The following EPRS1 variants were observed in gnomAD, a reference collection of about 807,000 sequenced individuals.
EPRS1 encodes bifunctional glutamate/proline--tRNA ligase.
A neutral mutation model predicts 188.3 loss-of-function variants in EPRS1; 107 were observed. The observed-to-expected ratio is 0.57, with a 90% confidence interval of 0.49 to 0.67. The LOEUF (loss-of-function observed/expected upper bound fraction) is 0.67, where lower values mean the gene tolerates loss of function less well. EPRS1 is among the 30% of genes least tolerant of loss of function. The pLI, the probability that EPRS1 is intolerant of heterozygous loss-of-function variation, is 0.00. For synonymous variants in EPRS1, 596 were observed against 593.1 expected (o/e 1.00, Z -0.07); for missense variants, 1,577 against 1,802.2 (o/e 0.88, Z 2.26).
intron 17 of EPRS1, among the ~76,000 whole-genome samples, chr1:219,998,441 T>TA (rs1366506314): frequency 1.3e-5 from 2 of 152,276 alleles, no homozygotes; most frequent in African/African-American, 4.8e-5. Context: ...TGAGATTCTA[T>TA]ATGTACACTC....
In EPRS1 at chr1:220,011,067, T is replaced by C. The variant is rs371992990; in HGVS notation, c.1495-11A>G. The C allele has an allele frequency of 6.9e-6, 10 of 1,455,550 alleles. No homozygotes were observed. In the African/African-American group the frequency reaches 1.1e-4, roughly 16 times the overall value. The allele number at this position is 1,455,550 out of a possible 1,614,324, so 90.2% of individuals were successfully genotyped here. A position where few individuals can be genotyped will look rare whatever the true frequency, so the allele number is the denominator to read the frequency against. On this transcript the variant is annotated splice_polypyrimidine_tract_variant and intron_variant, in intron 12 of 31. Transcript: ENST00000366923. Reference sequence around the variant, plus strand: ...CACTGGGTCAATAACCTGCAACAAATACATCCTCATGTTAAAACACTGCGA... The same window carrying C: ...CACTGGGTCAATAACCTGCAACAAACACATCCTCATGTTAAAACACTGCGA...
At chr1:220,045,299 C>A (rs1365322632) in intron 1 of EPRS1, among the ~76,000 whole-genome samples, 3 of 152,264 alleles carry the variant, frequency 2.0e-5, no homozygotes, top group Non-Finnish European at 4.4e-5. Flanking sequence ...GAGTTTGAGA[C>A]CTGCCTGGGC....
chr1:219,981,276 C>A, intron 24 of EPRS1, 102 bp downstream of exon 24: 1 of 653,662 alleles, frequency 1.5e-6, no homozygotes, highest in Non-Finnish European at 2.5e-6. Context: ...AAAAACAGTT[C>A]CATACTCCCA....
chr1:220,020,829 TA>T (rs1456205784), intron 9 of EPRS1, among the ~76,000 whole-genome samples: 1 of 2,056 alleles, frequency 4.9e-4, no homozygotes, highest in Non-Finnish European at 8.3e-4. Context: ...TGAATTTATA[TA>T]TATATATATA....
intron 18 of EPRS1, among the ~76,000 whole-genome samples, chr1:219,993,103 C>T (rs754689910): frequency 4.6e-5 from 7 of 151,916 alleles, no homozygotes; most frequent in Admixed American, 1.3e-4. Flanking sequence ...GGCATACTGG[C>T]ATGTGCCTGT....
intron 28 of EPRS1, among the ~76,000 whole-genome samples, chr1:219,976,087 G>A (rs529797373): frequency 2.5e-4 from 38 of 152,058 alleles, no homozygotes; most frequent in Admixed American, 2.1e-3. Flanking sequence ...GATGGAGAAT[G>A]CCAAAAGGAC....
At position 219,983,409 on chromosome 1, in the gene EPRS1, GA is replaced by G; in HGVS notation, c.3091-12del. ...TGACTTTGTGATGACCTTTTTAAAA[GA>G]AAAATAGTCTTTAAAGCTTACATTG... On this transcript the variant is annotated splice_polypyrimidine_tract_variant and intron_variant, in intron 21 of 31. Transcript: ENST00000366923. The G allele has an allele frequency of 1.9e-6, 3 of 1,592,408 alleles. No individual in the cohort carries two copies. Among genetic ancestry groups the G allele is most frequent in the Non-Finnish European group, 1.7e-6 (2 of 1,165,738 alleles).
intron 1 of EPRS1, among the ~76,000 whole-genome samples, chr1:220,043,942 G>A (rs899288255): frequency 2.6e-5 from 4 of 152,086 alleles, no homozygotes; most frequent in Non-Finnish European, 2.9e-5. Context: ...ACAAGGATGG[G>A]GTCTGTGCAT....
At position 220,032,424 on chromosome 1, in the gene EPRS1, C is replaced by T. The variant is rs2102596410; in HGVS notation, c.491G>A (p.Gly164Asp). The change falls in exon 5 of 32, where the codon GGT becomes GAT. Residue 164 changes from glycine to aspartate, a missense_variant. By Grantham distance (94) the Gly-to-Asp change is moderately conservative. Coordinates refer to ENST00000366923, the MANE Select transcript of EPRS1 (RefSeq NM_004446.3). ...GGTTGTTGAAACATCCCACTTGGTA[C>T]CTACTGACTGGAAGGCCTGCTGGGC... ...LEAQQAFQSV[G>D]TKWDVSTTKA... is the part of the protein sequence containing the mutation. 1.9e-6 allele frequency: 3 copies of T among 1,613,372 alleles called. No homozygotes were observed. The highest frequency in any genetic ancestry group is 1.7e-6 in the Non-Finnish European group (2 of 1,179,750).
chr1:219,999,001 T>C (rs1661292228), intron 17 of EPRS1, among the ~76,000 whole-genome samples: 1 of 151,324 alleles, frequency 6.6e-6, no homozygotes, highest in Non-Finnish European at 1.5e-5. Context: ...TAAAGAAGCA[T>C]GCAGGAACAA....
intron 2 of EPRS1, among the ~76,000 whole-genome samples, chr1:220,039,519 G>T (rs2102600312): frequency 9.7e-6 from 1 of 103,380 alleles, no homozygotes; most frequent in South Asian, 3.3e-4. Context: ...ATTTAATGCT[G>T]ATTTTTTTTT....
intron 9 of EPRS1, among the ~76,000 whole-genome samples, chr1:220,020,941 G>A (rs900598301): frequency 3.4e-5 from 5 of 147,764 alleles, no homozygotes; most frequent in South Asian, 2.2e-4. Flanking sequence ...AGAGTGCACC[G>A]GTGCGATCTC....
chr1:219,977,838 A>G (rs1167693103), intron 28 of EPRS1, among the ~76,000 whole-genome samples: 1 of 152,170 alleles, frequency 6.6e-6, no homozygotes, highest in Non-Finnish European at 1.5e-5. Context: ...GAGCTTCCAT[A>G]GTTTGAAAGC....
chr1:220,001,019 C>T (rs1386931429), intron 17 of EPRS1, 119 bp downstream of exon 17: 2 of 701,120 alleles, frequency 2.9e-6, no homozygotes, highest in Non-Finnish European at 5.2e-6. Flanking sequence ...AAGAGCAAGA[C>T]TTAACTGTCT....
chr1:220,033,046 A>G (rs1193127511), intron 4 of EPRS1, among the ~76,000 whole-genome samples: 1 of 152,206 alleles, frequency 6.6e-6, no homozygotes, highest in Admixed American at 6.5e-5. Flanking sequence ...GTTCCAAACT[A>G]GTTGTAGAAG....
intron 28 of EPRS1, among the ~76,000 whole-genome samples, chr1:219,975,501 A>G (rs1277142280): frequency 1.3e-5 from 2 of 152,092 alleles, no homozygotes. Flanking sequence ...CAATGGTGCA[A>G]TCTGGGCTCA....
chr1:220,018,473 G>C lies in EPRS1; in HGVS notation c.1470C>G (p.Asp490Glu). Residue 490 changes from aspartate to glutamate, a missense_variant, in exon 12 of 32, where the codon GAC (aspartate) becomes GAG (glutamate). By Grantham distance (45) the Asp-to-Glu change is conservative. Coordinates refer to ENST00000366923, the MANE Select transcript of EPRS1 (RefSeq NM_004446.3). ...SSRSVVNMEW[D>E]KIWAFNKKVI... ...CCTTTTTGTTAAACGCCCAGATTTT[G>C]TCCCACTCCATGTTCACGACTGAAC... 1 of 1,611,814 alleles carries C rather than the reference G, an allele frequency of 6.2e-7. No homozygotes were observed. Among genetic ancestry groups the C allele is most frequent in the South Asian group, 1.1e-5 (1 of 91,004 alleles).
intron 1 of EPRS1, among the ~76,000 whole-genome samples, chr1:220,046,132 G>A (rs1304871160): frequency 2.0e-5 from 3 of 152,144 alleles, no homozygotes; most frequent in Non-Finnish European, 4.4e-5. Context: ...CTCCATGCCC[G>A]GGAAAACCAT....
At chr1:219,995,161 A>G (rs1160723201) in intron 18 of EPRS1, among the ~76,000 whole-genome samples, 1 of 152,208 alleles carries the variant, frequency 6.6e-6, no homozygotes, top group African/African-American at 2.4e-5. Flanking sequence ...AATACCTAAT[A>G]AAAGTACCTG....
Sources: gnomAD v4.1 joint callset for allele counts (sites outside exome capture counted in the v4.1 genomes callset) on GRCh38, gnomAD v4.1.1 for gene constraint, MANE v1.5 for transcripts, NCBI Gene and HGNC (gene_info 2026-07-23, HGNC 2026-07-21) for gene names.